Variants in TPPP observed in about 807,000 individuals in gnomAD.
The protein encoded by TPPP is tubulin polymerization-promoting protein.
A neutral mutation model predicts 15.5 loss-of-function variants in TPPP; 6 were observed. The observed-to-expected ratio is 0.39, with a 90% CI of 0.21 to 0.77. The LOEUF is 0.77. TPPP is among the 30% of genes least tolerant of loss of function. The pLI, the probability that TPPP is intolerant of heterozygous loss-of-function variation, is 0.42. For synonymous variants in TPPP, 146 were observed against 133.9 expected (o/e 1.09, Z -0.63); for missense variants, 269 against 307.2 (o/e 0.88, Z 0.93).
chr5:684,845 G>C (rs1434181155), intron 1 of TPPP, among the ~76,000 whole-genome samples: 7 of 152,212 alleles, frequency 4.6e-5, no homozygotes, highest in African/African-American at 7.2e-5. Context: ...CAGGCAGTCA[G>C]AGCTCCCAAT....
chr5:670,958 T>C (rs1380425754), intron 2 of TPPP, among the ~76,000 whole-genome samples: 1 of 152,096 alleles, frequency 6.6e-6, no homozygotes, highest in African/African-American at 2.4e-5. Context: ...CCTACTTGGC[T>C]CAGAGGATGG....
intron 1 of TPPP, among the ~76,000 whole-genome samples, chr5:684,267 C>G (rs1249427387): frequency 1.3e-5 from 2 of 152,246 alleles, no homozygotes; most frequent in Non-Finnish European, 1.5e-5. Context: ...CAGGGGGAAG[C>G]AGCCCCCCAG....
At chr5:674,788 G>T (rs1039633194) in intron 2 of TPPP, among the ~76,000 whole-genome samples, 19 of 151,758 alleles carry the variant, frequency 1.3e-4, no homozygotes, top group Admixed American at 9.2e-4. Context: ...TCCAGCAGGG[G>T]ACAGTGGGCT....
chr5:692,340 T>C (rs925210428), intron 1 of TPPP, among the ~76,000 whole-genome samples: 131 of 19,744 alleles, frequency 6.6e-3, no homozygotes, highest in Admixed American at 9.8e-3. Context: ...AAAACAGCAG[T>C]CCCCCAACCC....
chr5:672,696 C>T (rs1740265192), intron 2 of TPPP, among the ~76,000 whole-genome samples: 2 of 152,204 alleles, frequency 1.3e-5, no homozygotes. Context: ...CTGGGAGATT[C>T]GCTGTCCATG....
chr5:666,213 T>C, intron 2 of TPPP, 90 bp from the exon 3 acceptor site: 5 of 1,443,276 alleles, frequency 3.5e-6, no homozygotes, highest in Non-Finnish European at 4.7e-6. Flanking sequence ...TGGACAGCCA[T>C]GGCCCAGCAG....
upstream of TPPP, among the ~76,000 whole-genome samples, chr5:693,721 C>T (rs1288888705): frequency 2.0e-5 from 3 of 150,540 alleles, no homozygotes; most frequent in African/African-American, 4.9e-5. Context: ...CGCGCGTTGA[C>T]GGTGCGGCGG....
At chr5:674,857 G>C (rs543863060) in intron 2 of TPPP, among the ~76,000 whole-genome samples, 1 of 151,638 alleles carries the variant, frequency 6.6e-6, no homozygotes, top group Non-Finnish European at 1.5e-5. Context: ...GAGCTCCAGC[G>C]AGCCTGTGGG....
chr5:678,383 C>T (rs1370341852), intron 1 of TPPP, among the ~76,000 whole-genome samples: 1 of 144,490 alleles, frequency 6.9e-6, no homozygotes, highest in Non-Finnish European at 1.5e-5. Flanking sequence ...GCCAGGGGCT[C>T]CAGGCCTAGG....
intron 1 of TPPP, among the ~76,000 whole-genome samples, chr5:683,378 C>T (rs1254989707): frequency 1.3e-5 from 2 of 152,322 alleles, no homozygotes; most frequent in African/African-American, 2.4e-5. Flanking sequence ...GCATCAGGCA[C>T]GCACGCCACA....
chr5:677,284 G>A (rs900654942), intron 2 of TPPP, among the ~76,000 whole-genome samples: 3 of 152,174 alleles, frequency 2.0e-5, no homozygotes, highest in East Asian at 1.9e-4. Flanking sequence ...AGACTCAGCC[G>A]CTGAGCCAGC....
At chr5:691,999 C>CTCAA (rs1740889513) in intron 1 of TPPP, among the ~76,000 whole-genome samples, 1 of 129,798 alleles carries the variant, frequency 7.7e-6, no homozygotes, top group Non-Finnish European at 1.7e-5. Flanking sequence ...AACAGCAGCC[C>CTCAA]CCCAACCCCT....
upstream of TPPP, among the ~76,000 whole-genome samples, chr5:693,884 G>T (rs1271787961): frequency 4.0e-5 from 6 of 149,332 alleles, no homozygotes; most frequent in Non-Finnish European, 7.5e-5. Context: ...GAGGGTGCTC[G>T]GACCCCAAGG....
chr5:698,971 T>C, the TPPP span, among the ~76,000 whole-genome samples: 1 of 151,944 alleles, frequency 6.6e-6, no homozygotes, highest in Non-Finnish European at 1.5e-5. Context: ...AAGTGAAAGA[T>C]CTTTATAAGG....
intron 2 of TPPP, among the ~76,000 whole-genome samples, chr5:674,051 C>G (rs1234071616): frequency 2.0e-5 from 3 of 152,172 alleles, no homozygotes; most frequent in Non-Finnish European, 4.4e-5. Flanking sequence ...TCCGGGCCAG[C>G]GCCAAGGCTG....
intron 2 of TPPP, among the ~76,000 whole-genome samples, chr5:666,477 G>A (rs1202638381): frequency 2.6e-5 from 4 of 152,210 alleles, no homozygotes; most frequent in African/African-American, 9.6e-5. Context: ...GGGGGTCCTA[G>A]GACCTGCTGG....
At chr5:698,344 A>G (rs1441831246), upstream of TPPP, among the ~76,000 whole-genome samples, 1 of 152,054 alleles carries the variant, frequency 6.6e-6, no homozygotes, top group Non-Finnish European at 1.5e-5. Context: ...AAATAAAGGG[A>G]ATGCACATTG....
At chr5:700,689 TTAG>T in the TPPP span, among the ~76,000 whole-genome samples, 1 of 151,980 alleles carries the variant, frequency 6.6e-6, no homozygotes, top group African/African-American at 2.4e-5. Flanking sequence ...TTTCTTCTTT[TTAG>T]TTATGCAGCT....
intron 1 of TPPP, among the ~76,000 whole-genome samples, chr5:678,714 G>A (rs1388614415): frequency 6.6e-6 from 1 of 151,992 alleles, no homozygotes; most frequent in Non-Finnish European, 1.5e-5. Context: ...GGGACTGCCA[G>A]TGTGCAGGGC....
Sources: allele counts gnomAD v4.1 joint callset (sites outside exome capture counted in the v4.1 genomes callset), GRCh38; gene constraint gnomAD v4.1.1; transcripts MANE v1.5; gene names NCBI Gene and HGNC (gene_info 2026-07-23, HGNC 2026-07-21).